TTC16: variants seen among roughly 807,000 people sequenced by gnomAD.
The protein encoded by TTC16 is tetratricopeptide repeat protein 16.
Under a neutral mutation model 80.4 loss-of-function variants are expected in TTC16, and 66 were observed. The ratio of observed to expected loss-of-function variants is 0.82; its 90% CI spans 0.67 to 1.01. The LOEUF is 1.01. TTC16 is among the 50% of genes least tolerant of loss of function. The pLI is 0.00. For missense variants in TTC16, 1,070 were observed against 1,103.2 expected (o/e 0.97, Z 0.43); for synonymous variants, 438 against 451.3 (o/e 0.97, Z 0.37).
In TTC16 at chr9:127,717,752, AC is replaced by A. The variant is rs759231201; in HGVS notation, c.408del (p.Phe137LeufsTer20). The A allele has an allele frequency of 6.2e-7, 1 of 1,613,492 alleles. No individual in the cohort carries two copies. Among genetic ancestry groups the A allele is most frequent in the Admixed American group, 1.7e-5 (1 of 59,996 alleles). On this transcript the variant is annotated frameshift_variant, in exon 4 of 14. Coordinates refer to ENST00000373289, the MANE Select transcript of TTC16 (RefSeq NM_144965.3). LOFTEE classifies it high-confidence loss of function. ...CAACTGCAAGCACCTGGAGCGCCTCACCTTTGTGCTCTACCTACAGGTGCCT... is the reference window on the plus strand; with the variant it reads ...CAACTGCAAGCACCTGGAGCGCCTCACTTTGTGCTCTACCTACAGGTGCCT... ...QDNCKHLERLTFVLYLQGQCL... is the reference protein window; with the variant it reads ...QDNCKHLERLXFVLYLQGQCL...
At chr9:127,729,803 C>T (rs1844249828) in intron 13 of TTC16, 135 bp downstream of exon 13, 2 of 747,960 alleles carry the variant, frequency 2.7e-6, no homozygotes, top group Middle Eastern at 3.7e-4. Context: ...GGGCGAGTGG[C>T]TCTAGAGCGG....
chr9:127,724,845 A>ACG lies in TTC16; in HGVS notation c.1211_1212dup (p.Met405AlafsTer76). 1 of 1,596,594 alleles carries ACG rather than the reference A, an allele frequency of 6.3e-7. No homozygotes were observed. ...GAGCCCTCAGGACGAGGGCGCCAAC[A>ACG]CGCGCATGGGCCTGCTGCAGGAGAA... is the stretch of plus-strand genomic sequence containing the variant. On this transcript the variant is annotated frameshift_variant, in exon 9 of 14. Coordinates refer to ENST00000373289, the MANE Select transcript of TTC16 (RefSeq NM_144965.3). LOFTEE classifies it high-confidence loss of function.
chr9:127,720,211 C>T (rs770831586), intron 5 of TTC16, 33 bp downstream of exon 5: 4 of 1,613,588 alleles, frequency 2.5e-6, no homozygotes, highest in Admixed American at 1.7e-5. Context: ...TCTCCCAGCA[C>T]CCACTTCCTG....
In TTC16 at chr9:127,722,197, G is replaced by T. The variant is rs1329240007; in HGVS notation, c.658-922G>T. Among the ~76,000 whole-genome samples the T allele has an allele frequency of 6.6e-6, 1 of 152,126 alleles. No individual in the cohort carries two copies. The highest frequency in any genetic ancestry group is 1.9e-4 in the East Asian group (1 of 5,190). ...GGAGCCCAAGGCTGCTTATGCCGAA[G>T]CCCTGCCCCTAGCTCCTGCCATTTC... On this transcript the variant is annotated intron_variant, in intron 6 of 13. Coordinates refer to ENST00000373289, the MANE Select transcript of TTC16 (RefSeq NM_144965.3). This position sits in a 1 kb window ranked among gnomAD's most constrained non-coding sequence, Gnocchi z 4.2.
chr9:127,717,715 A>G lies in TTC16; in HGVS notation c.369A>G (p.Ser123=). 3 of 1,613,934 alleles carry G rather than the reference A, an allele frequency of 1.9e-6. No individual in the cohort carries two copies. Among genetic ancestry groups the G allele is most frequent in the South Asian group, 1.1e-5 (1 of 91,084 alleles). The change falls in exon 4 of 14, where the codon TCA becomes TCG. Residue 123 remains serine (S), a synonymous_variant. Coordinates refer to ENST00000373289, the MANE Select transcript of TTC16 (RefSeq NM_144965.3). ...SAAQNLRRAY[S]LQQDNCKHLE... ...CCCAGAACCTGCGAAGGGCCTACTC[A>G]TTACAGCAGGACAACTGCAAGCACC...
At chr9:127,724,531 G>A in intron 8 of TTC16, 167 bp downstream of exon 8, 1 of 1,145,346 alleles carries the variant, frequency 8.7e-7, no homozygotes, top group Non-Finnish European at 1.2e-6. Context: ...ACACACTTTG[G>A]GAAATGTTGC....
In TTC16 at chr9:127,731,464, C is replaced by T; in HGVS notation, c.*59C>T. The T allele has an allele frequency of 6.5e-7, 1 of 1,536,884 alleles. No individual in the cohort carries two copies. On this transcript the variant is annotated 3_prime_UTR_variant, in exon 14 of 14. Coordinates refer to ENST00000373289, the MANE Select transcript of TTC16 (RefSeq NM_144965.3). ...AGGGGACGAGTTCTACCCACCTCCC[C>T]ACACTGGCACTCAGCCAGCTGCCTC...
chr9:127,717,168 C>A (rs190445755), intron 2 of TTC16, 152 bp downstream of exon 2: 3 of 1,228,222 alleles, frequency 2.4e-6, no homozygotes, highest in South Asian at 2.6e-5. Flanking sequence ...AGGCTGATGG[C>A]CTGGCTGGAC....
chr9:127,729,819 A>C (rs1036739517), intron 13 of TTC16, 151 bp downstream of exon 13: 7 of 663,724 alleles, frequency 1.1e-5, no homozygotes, highest in Non-Finnish European at 1.6e-5. Flanking sequence ...AGCGGGAGTA[A>C]CACTGTTGCG....
intron 8 of TTC16, 162 bp from the exon 9 acceptor site, chr9:127,724,594 G>GCAA (rs1843761897): frequency 8.7e-7 from 1 of 1,148,102 alleles, no homozygotes; most frequent in Non-Finnish European, 1.2e-6. Flanking sequence ...GGCAGCTGGG[G>GCAA]AACAGTGCCC....
At chr9:127,730,141 A>G (rs1170940335) in intron 13 of TTC16, 1 of 222,496 alleles carries the variant, frequency 4.5e-6, no homozygotes, top group East Asian at 1.1e-4. Context: ...CCTGTGCTCA[A>G]TACTAGGCAC....
In TTC16 at chr9:127,724,230, G is replaced by A. The variant is rs1564386094; in HGVS notation, c.983G>A (p.Arg328His). ...DQEDMVRQAQ[R>H]QLLLTYNDFA... ...GAGGACATGGTGCGGCAGGCACAGC[G>A]CCAGCTGTTGCTGACCTACAACGAC... Residue 328 changes from arginine (R) to histidine (H), a missense_variant, in exon 8 of 14, where the codon CGC (arginine) becomes CAC (histidine). Transcript: ENST00000373289. 6.2e-6 allele frequency: 10 copies of A among 1,613,092 alleles called. No individual in the cohort carries two copies. The East Asian group carries it at 8.9e-5, about 14-fold the overall frequency.
chr9:127,724,682 G>A (rs1843776010), intron 8 of TTC16, 74 bp from the exon 9 acceptor site: 1 of 1,546,790 alleles, frequency 6.5e-7, no homozygotes, highest in Admixed American at 1.9e-5. Context: ...TGGCCCCCGG[G>A]CTGGAGCCGG....
In TTC16 at chr9:127,731,035, C is replaced by T; in HGVS notation, c.2252C>T (p.Ala751Val). The change falls in exon 14 of 14, where the codon GCC becomes GTC. Residue 751 changes from alanine (A) to valine (V), a missense_variant. By Grantham distance (64) the Ala-to-Val change is moderately conservative (BLOSUM62 0). Transcript: ENST00000373289. Reference sequence around the variant, plus strand: ...AGGCAGAGCTCCAGCGAGATTGAGGCCACCCAGGGCCCAAGGCAGGAGCCC... The same window carrying T: ...AGGCAGAGCTCCAGCGAGATTGAGGTCACCCAGGGCCCAAGGCAGGAGCCC... ...GQRQSSSEIEATQGPRQEPSK... is the reference protein window; with the variant it reads ...GQRQSSSEIEVTQGPRQEPSK... 1 of 1,612,864 alleles carries T rather than the reference C, an allele frequency of 6.2e-7. No individual in the cohort carries two copies. Among genetic ancestry groups the T allele is most frequent in the Non-Finnish European group, 8.5e-7 (1 of 1,179,912 alleles).
At chr9:127,721,139 G>A (rs1210869739) in intron 6 of TTC16, among the ~76,000 whole-genome samples, 2 of 151,780 alleles carry the variant, frequency 1.3e-5, no homozygotes, top group Non-Finnish European at 2.9e-5. Context: ...GGGCACCAAG[G>A]AGAGGAGGGC....
At chr9:127,716,279 G>A in intron 1 of TTC16, 116 bp downstream of exon 1, 5 of 1,477,216 alleles carry the variant, frequency 3.4e-6, no homozygotes, top group Non-Finnish European at 9.4e-7. Flanking sequence ...CCGACTCAGG[G>A]AAGGCCCTGG....
chr9:127,725,778 T>C lies in TTC16; in HGVS notation c.1260-461T>C, dbSNP rs1018842036. ...CCACGCCCAGCTAATTTTTGTATTT[T>C]TAGTAGAGACAGGGTTTCACCATGC... On this transcript the variant is annotated intron_variant, in intron 9 of 13. Coordinates refer to ENST00000373289, the MANE Select transcript of TTC16 (RefSeq NM_144965.3). 3.3e-5 allele frequency among the ~76,000 whole-genome samples: 5 copies of C among 151,960 alleles called. No homozygotes were observed. In the East Asian group the frequency reaches 5.9e-4, roughly 18 times the overall value.
chr9:127,721,185 T>G (rs1237444770), intron 6 of TTC16, among the ~76,000 whole-genome samples: 1 of 151,592 alleles, frequency 6.6e-6, no homozygotes, highest in African/African-American at 2.4e-5. Context: ...AGTGGGAGCC[T>G]CCACCAGGTG....
chr9:127,724,943 C>T (rs1843812818), intron 9 of TTC16, 46 bp downstream of exon 9: 10 of 1,444,450 alleles, frequency 6.9e-6, no homozygotes, highest in Non-Finnish European at 9.1e-6. Flanking sequence ...GGCCCGAGGG[C>T]AGGGCGGGCA....
Sources: gnomAD v4.1 joint callset for allele counts (sites outside exome capture counted in the v4.1 genomes callset) on GRCh38, gnomAD v4.1.1 for gene constraint, Gnocchi (gnomAD v3.1) non-coding constraint, MANE v1.5 for transcripts, NCBI Gene and HGNC (gene_info 2026-07-23, HGNC 2026-07-21) for gene names.